The following UBXN2A variants were observed in gnomAD, a reference collection of about 807,000 sequenced individuals.
UBXN2A encodes UBX domain-containing protein 2A.
In UBXN2A, 28 loss-of-function variants were observed where a neutral mutation model predicts 28.4. That is an observed-to-expected ratio of 0.99 (90% CI 0.73 to 1.35). The LOEUF is 1.35. Ranked by LOEUF, UBXN2A falls within the 40% of genes most tolerant of loss-of-function variation. UBXN2A has a pLI of 0.00. For missense variants in UBXN2A, 253 were observed against 297.9 expected, an observed-to-expected ratio of 0.85 and a Z score of 1.11; for synonymous variants, 97 against 103.6, an observed-to-expected ratio of 0.94 and a Z score of 0.39.
intron 1 of UBXN2A, among the ~76,000 whole-genome samples, chr2:23,933,334 C>G (rs1475727390): frequency 6.6e-6 from 1 of 151,736 alleles, no homozygotes; most frequent in Non-Finnish European, 1.5e-5. Context: ...TGGAGAAACC[C>G]CATCTCTACT....
chr2:23,932,028 A>T (rs2150782754), intron 1 of UBXN2A, among the ~76,000 whole-genome samples: 1 of 151,802 alleles, frequency 6.6e-6, no homozygotes, highest in South Asian at 2.1e-4. Flanking sequence ...AAAAAGAAAA[A>T]GAAAAAGCAG....
chr2:23,973,463 C>T (rs541183371), intron 3 of UBXN2A, among the ~76,000 whole-genome samples: 4 of 151,724 alleles, frequency 2.6e-5, no homozygotes, highest in African/African-American at 4.8e-5. Flanking sequence ...CTCAGCCTCC[C>T]GAGTAGCCCG....
chr2:23,946,123 T>G (rs1706064198), intron 1 of UBXN2A, among the ~76,000 whole-genome samples: 2 of 152,160 alleles, frequency 1.3e-5, no homozygotes, highest in African/African-American at 4.8e-5. Context: ...TGAGCCACTG[T>G]GTCCAGCCAC....
intron 2 of UBXN2A, among the ~76,000 whole-genome samples, chr2:23,967,570 A>G (rs1301015199): frequency 1.3e-5 from 2 of 152,224 alleles, no homozygotes; most frequent in Non-Finnish European, 2.9e-5. Context: ...TATTTCACAG[A>G]TAAGCAAAGC....
rs1421388649 is a variant in UBXN2A, at chr2:23,977,160, T to G, written c.287+85T>G. ...GAGAGGATTGCCTGAGCTCAGGAGTTCAAGGCCAGCCGGGGAACATAGCCA... is the reference window on the plus strand; with the variant it reads ...GAGAGGATTGCCTGAGCTCAGGAGTGCAAGGCCAGCCGGGGAACATAGCCA... On this transcript the variant is annotated intron_variant, in intron 4 of 6. Coordinates refer to ENST00000309033, the MANE Select transcript of UBXN2A (RefSeq NM_181713.4). The G allele has an allele frequency of 6.6e-6, 7 of 1,062,794 alleles. No homozygotes were observed. The African/African-American group carries it at 1.1e-4, about 17-fold the overall frequency. The allele number at this position is 1,062,794 out of a possible 1,614,324, so 65.8% of individuals were successfully genotyped here. A position where few individuals can be genotyped will look rare whatever the true frequency, so the allele number is the denominator to read the frequency against.
chr2:23,929,264 T>A (rs547714478), intron 1 of UBXN2A, among the ~76,000 whole-genome samples: 103 of 152,068 alleles, frequency 6.8e-4, no homozygotes, highest in Non-Finnish European at 1.0e-3. Flanking sequence ...CTGAAACTAC[T>A]GGGTGTGGTG....
chr2:23,939,290 A>C (rs1478821845), upstream of UBXN2A, among the ~76,000 whole-genome samples: 2 of 152,200 alleles, frequency 1.3e-5, no homozygotes, highest in Non-Finnish European at 2.9e-5. Context: ...TCAGTGGAAG[A>C]GATCCAAGAA....
chr2:23,956,998 C>G (rs981545504), intron 1 of UBXN2A, among the ~76,000 whole-genome samples: 4 of 152,130 alleles, frequency 2.6e-5, no homozygotes, highest in Admixed American at 1.3e-4. Flanking sequence ...GTATGCACAT[C>G]CTCCTGTATA....
chr2:23,935,237 G>A (rs1705488914), intron 1 of UBXN2A, among the ~76,000 whole-genome samples: 1 of 152,112 alleles, frequency 6.6e-6, no homozygotes, highest in Non-Finnish European at 1.5e-5. Flanking sequence ...TAATTTGACT[G>A]AAATTTTAAA....
chr2:23,949,650 G>A (rs890075677), intron 1 of UBXN2A, among the ~76,000 whole-genome samples: 11 of 152,012 alleles, frequency 7.2e-5, no homozygotes, highest in African/African-American at 2.4e-4. Flanking sequence ...CAAGGCAGGA[G>A]GATCACCTGA....
chr2:23,978,246 TTGTTTAAA>T (rs1407982509), intron 4 of UBXN2A, among the ~76,000 whole-genome samples: 2 of 152,236 alleles, frequency 1.3e-5, no homozygotes, highest in Non-Finnish European at 2.9e-5. Context: ...TTATTTAATT[TTGTTTAAA>T]TGTTTAAATA....
Position 23,997,636 on chromosome 2 carries a change from C to T in UBXN2A, c.585-2036C>T, listed in dbSNP as rs961065854. On this transcript the variant is annotated intron_variant, in intron 6 of 6. Coordinates refer to ENST00000309033, the MANE Select transcript of UBXN2A (RefSeq NM_181713.4). ...CTAGTTTTTGTATTTTTAGTAGAGA[C>T]GGAATTTCACCATGTTGGCCAGGAT... 7.9e-5 allele frequency among the ~76,000 whole-genome samples: 12 copies of T among 151,312 alleles called. No individual in the cohort carries two copies. In the East Asian group the frequency reaches 2.2e-3, roughly 27 times the overall value.
chr2:23,931,423 G>A (rs1705364958), intron 1 of UBXN2A, among the ~76,000 whole-genome samples: 1 of 152,150 alleles, frequency 6.6e-6, no homozygotes, highest in Non-Finnish European at 1.5e-5. Context: ...TCCAACCTGG[G>A]CAACAGAGTG....
At chr2:23,958,111 CTTTT>C (rs1302887767) in intron 1 of UBXN2A, among the ~76,000 whole-genome samples, 186 bp from the exon 2 acceptor site, 1 of 152,146 alleles carries the variant, frequency 6.6e-6, no homozygotes, top group South Asian at 2.1e-4. Context: ...AGAAGTCTTT[CTTTT>C]GTCAGATTAT....
At chr2:23,993,516 C>T (rs1402508880) in intron 6 of UBXN2A, among the ~76,000 whole-genome samples, 1 of 152,032 alleles carries the variant, frequency 6.6e-6, no homozygotes, top group Admixed American at 6.6e-5. Flanking sequence ...TTCCTTTTTG[C>T]TATTTTTGTC....
At chr2:23,941,812 C>G (rs1054955326) in intron 1 of UBXN2A, among the ~76,000 whole-genome samples, 1 of 152,172 alleles carries the variant, frequency 6.6e-6, no homozygotes, top group African/African-American at 2.4e-5. Flanking sequence ...ATGGCTCACG[C>G]CTGTAATCCC....
Position 23,999,911 on chromosome 2 carries a change from G to GT in UBXN2A, c.*45dup, listed in dbSNP as rs781412631. ...GAAAATTTGCAGAGAAATGATGGTTGTAAGTGGACATGCAAACCAAAATTG... is the reference window on the plus strand; with the variant it reads ...GAAAATTTGCAGAGAAATGATGGTTGTTAAGTGGACATGCAAACCAAAATTG... On this transcript the variant is annotated 3_prime_UTR_variant, in exon 7 of 7. Transcript: ENST00000309033. 1.5e-5 allele frequency: 24 copies of GT among 1,589,688 alleles called. No homozygotes were observed. Among genetic ancestry groups the GT allele is most frequent in the Non-Finnish European group, 2.0e-5 (23 of 1,167,828 alleles).
At chr2:23,986,169 G>A (rs1708120175) in intron 6 of UBXN2A, among the ~76,000 whole-genome samples, 1 of 151,962 alleles carries the variant, frequency 6.6e-6, no homozygotes, top group Admixed American at 6.6e-5. Flanking sequence ...AATTAGCCGG[G>A]CGTGGTGGTG....
intron 6 of UBXN2A, among the ~76,000 whole-genome samples, chr2:23,993,329 A>G (rs1708419378): frequency 6.6e-6 from 1 of 152,208 alleles, no homozygotes; most frequent in Non-Finnish European, 1.5e-5. Flanking sequence ...TTTTCCCCCT[A>G]AATGACTGAA....
Sources: gnomAD v4.1 joint callset for allele counts (sites outside exome capture counted in the v4.1 genomes callset) on GRCh38, gnomAD v4.1.1 for gene constraint, MANE v1.5 for transcripts, NCBI Gene and HGNC (gene_info 2026-07-23, HGNC 2026-07-21) for gene names.